EPHA6: variants seen among roughly 807,000 people sequenced by gnomAD.
EPHA6 encodes ephrin type-A receptor 6.
EPHA6 carries 50 observed loss-of-function variants against 112.0 expected under a neutral mutation model. The observed-to-expected ratio is 0.45, with a 90% CI of 0.36 to 0.56. EPHA6 has a LOEUF of 0.56. EPHA6 is among the 20% of genes least tolerant of loss of function. The pLI is 0.00. For missense variants in EPHA6, 1,280 were observed against 1,417.4 expected, an observed-to-expected ratio of 0.90 and a Z score of 1.56; for synonymous variants, 529 against 490.7, an observed-to-expected ratio of 1.08 and a Z score of -1.03.
chr3:97,644,910 A>G (rs1217329769), intron 14 of EPHA6, among the ~76,000 whole-genome samples: 1 of 152,162 alleles, frequency 6.6e-6, no homozygotes, highest in East Asian at 1.9e-4. Flanking sequence ...TCAGTAAAAA[A>G]GAGGGAATCC....
At chr3:96,872,671 C>T (rs530383601) in intron 2 of EPHA6, among the ~76,000 whole-genome samples, 1 of 152,184 alleles carries the variant, frequency 6.6e-6, no homozygotes, top group African/African-American at 2.4e-5. Flanking sequence ...TTATTGCTTG[C>T]ATGGTTTCTG....
intron 2 of EPHA6, among the ~76,000 whole-genome samples, chr3:96,954,362 AT>A (rs2041673095): frequency 6.6e-6 from 1 of 152,142 alleles, no homozygotes; most frequent in African/African-American, 2.4e-5. Context: ...ATTTTCCCCA[AT>A]ATCTCTTTGA....
chr3:97,702,702 T>C (rs2033463709), intron 14 of EPHA6, among the ~76,000 whole-genome samples: 1 of 152,310 alleles, frequency 6.6e-6, no homozygotes, highest in East Asian at 1.9e-4. Flanking sequence ...CTGGTACTTT[T>C]AGCAGGTAGC....
Position 97,448,379 on chromosome 3 carries a change from G to C in EPHA6, c.1732-189G>C, listed in dbSNP as rs760332823. On this transcript the variant is annotated intron_variant, in intron 6 of 17. Coordinates refer to ENST00000389672, the MANE Select transcript of EPHA6 (RefSeq NM_001080448.3). ...ATCTTTCTTAATAAATTTCCAAATA[G>C]GACCATATCATATGCATCATTATGA... 3.8e-4 allele frequency among the ~76,000 whole-genome samples: 58 copies of C among 152,062 alleles called. 1 individual carries two copies. The highest frequency in any genetic ancestry group is 6.0e-4 in the Non-Finnish European group (41 of 68,020).
intron 5 of EPHA6, among the ~76,000 whole-genome samples, chr3:97,320,318 A>C (rs578169959): frequency 6.6e-6 from 1 of 151,924 alleles, no homozygotes; most frequent in Non-Finnish European, 1.5e-5. Flanking sequence ...TTAAGGAATG[A>C]AAAATTTATA....
intron 6 of EPHA6, among the ~76,000 whole-genome samples, chr3:97,410,262 AAGAT>A: frequency 6.6e-6 from 1 of 152,208 alleles, no homozygotes; most frequent in East Asian, 1.9e-4. Flanking sequence ...CATTTTTCTA[AAGAT>A]AGATAATCAG....
intron 3 of EPHA6, among the ~76,000 whole-genome samples, chr3:97,117,868 AC>A (rs1328048877): frequency 6.6e-6 from 1 of 151,864 alleles, no homozygotes; most frequent in Non-Finnish European, 1.5e-5. Context: ...TTCTTAAAAA[AC>A]AAATCAAAAT....
chr3:97,384,181 T>A (rs2109030663), intron 5 of EPHA6, among the ~76,000 whole-genome samples: 1 of 152,292 alleles, frequency 6.6e-6, no homozygotes, highest in Non-Finnish European at 1.5e-5. Flanking sequence ...CTATTTTGAG[T>A]GGTTGCCATG....
Position 97,592,636 on chromosome 3 carries a change from A to G in EPHA6, c.2411A>G (p.Glu804Gly). Residue 804 changes from glutamate to glycine, a missense_variant, in exon 12 of 18, where the codon GAG (glutamate) becomes GGG (glycine). Physicochemically the swap from Glu to Gly is moderately conservative, Grantham distance 98. Transcript: ENST00000389672. ...GGATCCTTCCCGGCCATTGGGGTGGAGGCGTTTTGCCCCAGCTTCCTGAGG... is the reference window on the plus strand; with the variant it reads ...GGATCCTTCCCGGCCATTGGGGTGGGGGCGTTTTGCCCCAGCTTCCTGAGG... ...TKRSFPAIGV[E>G]AFCPSFLRAG... 1 of 1,613,440 alleles carries G rather than the reference A, an allele frequency of 6.2e-7. No homozygotes were observed. The highest frequency in any genetic ancestry group is 8.5e-7 in the Non-Finnish European group (1 of 1,179,668).
intron 11 of EPHA6, among the ~76,000 whole-genome samples, chr3:97,568,354 A>C (rs574791797): frequency 6.6e-6 from 1 of 152,284 alleles, no homozygotes. Context: ...GATCTTTATA[A>C]AATGCAGAAC....
At chr3:97,096,158 T>C (rs1016185235) in intron 3 of EPHA6, among the ~76,000 whole-genome samples, 25 of 151,862 alleles carry the variant, frequency 1.6e-4, no homozygotes, top group African/African-American at 6.0e-4. Context: ...AACAAAGCTA[T>C]TTTATACGTA....
intron 14 of EPHA6, among the ~76,000 whole-genome samples, chr3:97,650,965 A>G (rs895432532): frequency 3.3e-5 from 5 of 152,022 alleles, no homozygotes; most frequent in African/African-American, 1.2e-4. Context: ...TCAGCACTCA[A>G]GATTTGGTGT....
chr3:97,087,702 A>G (rs368776590), intron 3 of EPHA6, among the ~76,000 whole-genome samples: 3 of 152,200 alleles, frequency 2.0e-5, no homozygotes, highest in African/African-American at 4.8e-5. Flanking sequence ...CTGAAATGAC[A>G]GTAGTGAGTA....
At position 97,758,864 on chromosome 3, in the gene EPHA6, G is replaced by C. The variant is rs1035715796; in HGVS notation, c.*10163G>C. Reference sequence around the variant, plus strand: ...AAAATTTGGAGTGTTGGAGAGTAGAGAACAGTGTTCTTGGTACACTGAAAT... The same window carrying C: ...AAAATTTGGAGTGTTGGAGAGTAGACAACAGTGTTCTTGGTACACTGAAAT... On this transcript the variant is annotated 3_prime_UTR_variant, in exon 18 of 18. Coordinates refer to ENST00000389672, the MANE Select transcript of EPHA6 (RefSeq NM_001080448.3). Among the ~76,000 whole-genome samples the C allele has an allele frequency of 6.6e-6, 1 of 151,918 alleles. No homozygotes were observed. The highest frequency in any genetic ancestry group is 1.5e-5 in the Non-Finnish European group (1 of 67,880).
intron 14 of EPHA6, among the ~76,000 whole-genome samples, chr3:97,708,700 G>T (rs2033808322): frequency 6.6e-6 from 1 of 152,242 alleles, no homozygotes; most frequent in African/African-American, 2.4e-5. Flanking sequence ...TGGAGGCCTA[G>T]GAGTGAAAAG....
At chr3:97,496,061 G>A (rs375818777) in intron 10 of EPHA6, among the ~76,000 whole-genome samples, 5 of 152,130 alleles carry the variant, frequency 3.3e-5, no homozygotes, top group African/African-American at 9.7e-5. Flanking sequence ...CAGCAGCGAG[G>A]CAGGCAATTA....
At chr3:97,380,515 G>A (rs924519364) in intron 5 of EPHA6, among the ~76,000 whole-genome samples, 5 of 152,108 alleles carry the variant, frequency 3.3e-5, no homozygotes, top group Non-Finnish European at 5.9e-5. Context: ...GGTGAGGGGG[G>A]AAATGTGCCA....
At chr3:97,479,623 G>A (rs1051624022) in intron 9 of EPHA6, among the ~76,000 whole-genome samples, 4 of 151,984 alleles carry the variant, frequency 2.6e-5, no homozygotes, top group African/African-American at 9.7e-5. Context: ...ATAGTTGACT[G>A]ATTTTATCAA....
At chr3:97,490,555 A>C (rs1239360095) in intron 10 of EPHA6, among the ~76,000 whole-genome samples, 3 of 152,132 alleles carry the variant, frequency 2.0e-5, no homozygotes, top group Non-Finnish European at 4.4e-5. Context: ...AAATGAAGGA[A>C]ATTTGATCCC....
Sources: allele counts gnomAD v4.1 joint callset (sites outside exome capture counted in the v4.1 genomes callset), GRCh38; gene constraint gnomAD v4.1.1; transcripts MANE v1.5; gene names NCBI Gene and HGNC (gene_info 2026-07-23, HGNC 2026-07-21).